Variants in ACTBL2 observed in about 807,000 individuals in gnomAD.
ACTBL2 encodes the protein actin beta like 2.
In ACTBL2, 29 loss-of-function variants were observed where a neutral mutation model predicts 23.2. The ratio of observed to expected loss-of-function variants is 1.25; its 90% CI spans 0.93 to 1.71. The LOEUF (loss-of-function observed/expected upper bound fraction) is 1.71. Ranked by LOEUF, ACTBL2 falls within the 40% of genes most tolerant of loss-of-function variation. The pLI, the probability that ACTBL2 is intolerant of heterozygous loss-of-function variation, is 0.00. For synonymous variants in ACTBL2, 173 were observed against 182.1 expected (o/e 0.95, Z 0.40); for missense variants, 524 against 486.2 (o/e 1.08, Z -0.73).
Position 57,481,603 on chromosome 5 carries a change from G to A in ACTBL2, c.1105C>T (p.Pro369Ser), listed in dbSNP as rs764608636. The A allele has an allele frequency of 3.1e-6, 5 of 1,613,078 alleles. No individual in the cohort carries two copies. The East Asian group carries it at 8.9e-5, about 29-fold the overall frequency. ...CAGAAACATTTTCTGTGAACGATAG[G>A]AGGACCAGCCTCATCATATTCCTGC... The part of the protein sequence containing the change: ...SKQEYDEAGP[P>S]IVHRKCF The change falls in exon 1 of 1, where the codon CCT (proline) becomes TCT (serine). Residue 369 changes from proline to serine, a missense_variant. Pro to Ser is a moderately conservative substitution (Grantham distance 74, BLOSUM62 -1). Transcript: ENST00000423391.
Position 57,481,515 on chromosome 5 carries a change from G to A in ACTBL2, c.*62C>T. ...TCGATTCTACTGAAAGCGGATAAAA[G>A]CAGTACCATCACTGTGACCTAGGAA... On this transcript the variant is annotated 3_prime_UTR_variant, in exon 1 of 1. Transcript: ENST00000423391. 1 of 1,546,960 alleles carries A rather than the reference G, an allele frequency of 6.5e-7. No homozygotes were observed. The highest frequency in any genetic ancestry group is 1.2e-5 in the South Asian group (1 of 81,474).
chr5:57,481,707 G>T lies in ACTBL2; in HGVS notation c.1001C>A (p.Pro334Gln). The T allele has an allele frequency of 3.1e-6, 5 of 1,613,908 alleles. No homozygotes were observed. The highest frequency in any genetic ancestry group is 4.2e-6 in the Non-Finnish European group (5 of 1,179,938). Residue 334 changes from proline (P) to glutamine (Q), a missense_variant, in exon 1 of 1, where the codon CCA becomes CAA. Physicochemically the swap from Pro to Gln is moderately conservative, Grantham distance 76 (BLOSUM62 -1). Transcript: ENST00000423391. ...AATCCAAACAGAATACTTCCGCTCT[G>T]GGGGAGCTATGATCTTGATTTTCAT... Reference protein sequence around the residue: ...STMKIKIIAPPERKYSVWIGG... With the variant: ...STMKIKIIAPQERKYSVWIGG...
Position 57,481,437 on chromosome 5 carries a change from T to C in ACTBL2, c.*140A>G. ...TATCTGGGTAAGAGCCCAGGTTACTTGGATGGAGAGATGGGTTTGCTGGTT... is the reference window on the plus strand; with the variant it reads ...TATCTGGGTAAGAGCCCAGGTTACTCGGATGGAGAGATGGGTTTGCTGGTT... On this transcript the variant is annotated 3_prime_UTR_variant, in exon 1 of 1. Coordinates refer to ENST00000423391, the MANE Select transcript of ACTBL2 (RefSeq NM_001017992.4). 1 of 1,065,952 alleles carries C rather than the reference T, an allele frequency of 9.4e-7. No individual in the cohort carries two copies. Among genetic ancestry groups the C allele is most frequent in the South Asian group, 1.7e-5 (1 of 60,442 alleles). 66.0% of individuals were successfully genotyped at this position (1,065,952 alleles called of 1,614,324 possible). A position where few individuals can be genotyped will look rare whatever the true frequency, so the allele number is the denominator to read the frequency against.
At position 57,481,886 on chromosome 5, in the gene ACTBL2, C is replaced by G; in HGVS notation, c.822G>C (p.Gly274=). The G allele has an allele frequency of 1.2e-6, 2 of 1,614,042 alleles. No individual in the cohort carries two copies. Among genetic ancestry groups the G allele is most frequent in the Non-Finnish European group, 1.7e-6 (2 of 1,180,010 alleles). Residue 274 remains glycine (G), a synonymous_variant, in exon 1 of 1, where the codon GGG becomes GGC. Transcript: ENST00000423391. ...TAGAGTTGAAGGTTGTCTCATGGAT[C>G]CCACTGGACTCAATGCCCAGAAAGG... ...QPSFLGIESS[G]IHETTFNSIM... is the part of the protein sequence containing the mutation.
Position 57,482,237 on chromosome 5 carries a change from C to A in ACTBL2, c.471G>T (p.Gly157=), listed in dbSNP as rs748409406. ...TGGGCACGATGTGAGTGACCCCATC[C>A]CCAGAATCCATCACGATGCCTGTGG... ...GRTTGIVMDS[G]DGVTHIVPIY... Residue 157 remains glycine, a synonymous_variant, in exon 1 of 1, where the codon GGG becomes GGT. Coordinates refer to ENST00000423391, the MANE Select transcript of ACTBL2 (RefSeq NM_001017992.4). 6.2e-7 allele frequency: 1 copy of A among 1,614,106 alleles called. No homozygotes were observed. Among genetic ancestry groups the A allele is most frequent in the Non-Finnish European group, 8.5e-7 (1 of 1,180,036 alleles).
Position 57,482,400 on chromosome 5 carries a change from G to A in ACTBL2, c.308C>T (p.Pro103Leu), listed in dbSNP as rs757482999. The change falls in exon 1 of 1, where the codon CCC becomes CTC. Residue 103 changes from proline to leucine, a missense_variant. Transcript: ENST00000423391. ...CAGGGGTGCCTCGGTGAGGAGGATG[G>A]GATGCTCATCTGGTGCCACACGGAG... ...NELRVAPDEH[P>L]ILLTEAPLNP... 5 of 1,614,092 alleles carry A rather than the reference G, an allele frequency of 3.1e-6. No homozygotes were observed. In the East Asian group the frequency reaches 6.7e-5, roughly 22 times the overall value.
Position 57,481,540 on chromosome 5 carries a change from A to G in ACTBL2, c.*37T>C, listed in dbSNP as rs370322741. 3.3e-5 allele frequency: 52 copies of G among 1,586,702 alleles called. No homozygotes were observed. Among genetic ancestry groups the G allele is most frequent in the Non-Finnish European group, 4.0e-5 (47 of 1,166,674 alleles). Reference sequence around the variant, plus strand: ...GCAGTACCATCACTGTGACCTAGGAAAAGGGAAAATGTAAGCCCACTAATA... The same window carrying G: ...GCAGTACCATCACTGTGACCTAGGAGAAGGGAAAATGTAAGCCCACTAATA... On this transcript the variant is annotated 3_prime_UTR_variant, in exon 1 of 1. Transcript: ENST00000423391.
In ACTBL2 at chr5:57,481,492, G is replaced by C; in HGVS notation, c.*85C>G. On this transcript the variant is annotated 3_prime_UTR_variant, in exon 1 of 1. Coordinates refer to ENST00000423391, the MANE Select transcript of ACTBL2 (RefSeq NM_001017992.4). The stretch of plus-strand genomic sequence containing the variant: ...CTAGGAAGAGTGACGTATTTACCTC[G>C]ATTCTACTGAAAGCGGATAAAAGCA... The C allele has an allele frequency of 2.0e-6, 3 of 1,483,892 alleles. No individual in the cohort carries two copies. Among genetic ancestry groups the C allele is most frequent in the Non-Finnish European group, 2.7e-6 (3 of 1,099,352 alleles). The allele number at this position is 1,483,892 out of a possible 1,614,324, so 91.9% of individuals were successfully genotyped here.
rs1745148348 is a variant in ACTBL2, at chr5:57,481,259, T to C, written c.*318A>G. ...ACTAAGTTTTAAAGCTTGATAATTA[T>C]AGTTATCCATTCTGAAATGACATTT... On this transcript the variant is annotated 3_prime_UTR_variant, in exon 1 of 1. Transcript: ENST00000423391. 4.3e-6 allele frequency: 1 copy of C among 233,158 alleles called. No homozygotes were observed. Among genetic ancestry groups the C allele is most frequent in the Non-Finnish European group, 8.4e-6 (1 of 118,452 alleles). The allele number at this position is 233,158 out of a possible 1,614,324, so 14.4% of individuals were successfully genotyped here.
rs1050526493 is a variant in ACTBL2, at chr5:57,480,415, A to G, written c.*1162T>C. On this transcript the variant is annotated 3_prime_UTR_variant, in exon 1 of 1. Transcript: ENST00000423391. The stretch of plus-strand genomic sequence containing the variant: ...ACTGGTACTTAAAATTGGTTAATAA[A>G]TCATCACTGGAGTAACTAAAATATT... The G allele has an allele frequency of 6.6e-6, 1 of 152,138 alleles. No individual in the cohort carries two copies. Among genetic ancestry groups the G allele is most frequent in the African/African-American group, 2.4e-5 (1 of 41,460 alleles). The allele number at this position is 152,138 out of a possible 1,614,324, so 9.4% of individuals were successfully genotyped here. A position where few individuals can be genotyped will look rare whatever the true frequency, so the allele number is the denominator to read the frequency against.
At position 57,481,657 on chromosome 5, in the gene ACTBL2, A is replaced by G; in HGVS notation, c.1051T>C (p.Ser351Pro). ...WIGGSILASLSTFQQMWISKQ... is the reference protein window; with the variant it reads ...WIGGSILASLPTFQQMWISKQ... ...CTGATCCACATCTGCTGGAATGTGG[A>G]CAGGCTGGCAAGGATGGAGCCCCCA... is the stretch of plus-strand genomic sequence containing the variant. Residue 351 changes from serine (S) to proline (P), a missense_variant, in exon 1 of 1, where the codon TCC becomes CCC. Coordinates refer to ENST00000423391, the MANE Select transcript of ACTBL2 (RefSeq NM_001017992.4). 1 of 1,614,044 alleles carries G rather than the reference A, an allele frequency of 6.2e-7. No homozygotes were observed. The highest frequency in any genetic ancestry group is 8.5e-7 in the Non-Finnish European group (1 of 1,180,006).
Position 57,481,420 on chromosome 5 carries a change from T to C in ACTBL2, c.*157A>G, listed in dbSNP as rs916041055. 2.3e-6 allele frequency: 2 copies of C among 855,696 alleles called. No individual in the cohort carries two copies. Among genetic ancestry groups the C allele is most frequent in the Non-Finnish European group, 3.5e-6 (2 of 564,340 alleles). 53.0% of individuals were successfully genotyped at this position (855,696 alleles called of 1,614,324 possible). A position where few individuals can be genotyped will look rare whatever the true frequency, so the allele number is the denominator to read the frequency against. On this transcript the variant is annotated 3_prime_UTR_variant, in exon 1 of 1. Coordinates refer to ENST00000423391, the MANE Select transcript of ACTBL2 (RefSeq NM_001017992.4). ...GGAGAACCGGATGTGGTTATCTGGG[T>C]AAGAGCCCAGGTTACTTGGATGGAG...
At position 57,482,742 on chromosome 5, in the gene ACTBL2, G is replaced by C; in HGVS notation, c.-35C>G. 6.2e-7 allele frequency: 1 copy of C among 1,604,234 alleles called. No individual in the cohort carries two copies. Among genetic ancestry groups the C allele is most frequent in the Non-Finnish European group, 8.5e-7 (1 of 1,173,930 alleles). ...TGAGATCTTCCAGACGAGTGAACAG[G>C]ACAAGTGAATAGACAGTGAGTAAGA... On this transcript the variant is annotated 5_prime_UTR_variant, in exon 1 of 1. Coordinates refer to ENST00000423391, the MANE Select transcript of ACTBL2 (RefSeq NM_001017992.4).
chr5:57,481,448 A>T lies in ACTBL2; in HGVS notation c.*129T>A. ...GAGCCCAGGTTACTTGGATGGAGAG[A>T]TGGGTTTGCTGGTTTACACTAGGAA... On this transcript the variant is annotated 3_prime_UTR_variant, in exon 1 of 1. Transcript: ENST00000423391. 8.5e-7 allele frequency: 1 copy of T among 1,174,048 alleles called. No individual in the cohort carries two copies. The highest frequency in any genetic ancestry group is 2.4e-5 in the East Asian group (1 of 41,688). The allele number at this position is 1,174,048 out of a possible 1,614,324, so 72.7% of individuals were successfully genotyped here.
rs1203993426 is a variant in ACTBL2 at position 57,482,162 on chromosome 5, T to C, written c.546A>G (p.Ala182=). ...LPHAILRLDL[A]GRDLTDYLMK... is the part of the protein sequence containing the mutation. The stretch of plus-strand genomic sequence containing the variant: ...TGAGGTAATCAGTCAGGTCTCTCCC[T>C]GCCAGATCCAGGCGTAGAATGGCAT... The change falls in exon 1 of 1, where the codon GCA becomes GCG. Residue 182 remains alanine, a synonymous_variant. Coordinates refer to ENST00000423391, the MANE Select transcript of ACTBL2 (RefSeq NM_001017992.4). The C allele has an allele frequency of 1.2e-6, 2 of 1,614,142 alleles. No individual in the cohort carries two copies. Among genetic ancestry groups the C allele is most frequent in the Admixed American group, 1.7e-5 (1 of 60,028 alleles).
chr5:57,480,952 A>G lies in ACTBL2; in HGVS notation c.*625T>C, dbSNP rs1382331518. 6.6e-6 allele frequency: 1 copy of G among 152,204 alleles called. No individual in the cohort carries two copies. The highest frequency in any genetic ancestry group is 2.4e-5 in the African/African-American group (1 of 41,456). 9.4% of individuals were successfully genotyped at this position (152,204 alleles called of 1,614,324 possible). A position where few individuals can be genotyped will look rare whatever the true frequency, so the allele number is the denominator to read the frequency against. ...ATTATGCTTATTTAGTAAGGGAAAC[A>G]ATTAAAATATGTACCTAGTACAACG... On this transcript the variant is annotated 3_prime_UTR_variant, in exon 1 of 1. Transcript: ENST00000423391.
rs953240064 is a variant in ACTBL2, at chr5:57,481,004, C to T, written c.*573G>A. ...TGACTTTTGGGAGTAAAGAAATTCACATTAGCTGTTCAGATAGCTAGATAC... is the reference window on the plus strand; with the variant it reads ...TGACTTTTGGGAGTAAAGAAATTCATATTAGCTGTTCAGATAGCTAGATAC... On this transcript the variant is annotated 3_prime_UTR_variant, in exon 1 of 1. Coordinates refer to ENST00000423391, the MANE Select transcript of ACTBL2 (RefSeq NM_001017992.4). 1 of 152,208 alleles carries T rather than the reference C, an allele frequency of 6.6e-6. No individual in the cohort carries two copies. The highest frequency in any genetic ancestry group is 2.4e-5 in the African/African-American group (1 of 41,420). 9.4% of individuals were successfully genotyped at this position (152,208 alleles called of 1,614,324 possible). A position where few individuals can be genotyped will look rare whatever the true frequency, so the allele number is the denominator to read the frequency against.
At position 57,481,745 on chromosome 5, in the gene ACTBL2, C is replaced by T. The variant is rs370150144; in HGVS notation, c.963G>A (p.Leu321=). 17 of 1,613,872 alleles carry T rather than the reference C, an allele frequency of 1.1e-5. No homozygotes were observed. In the African/African-American group the frequency reaches 1.1e-4, roughly 10 times the overall value. Residue 321 remains leucine (L), a synonymous_variant, in exon 1 of 1, where the codon CTG becomes CTA. Coordinates refer to ENST00000423391, the MANE Select transcript of ACTBL2 (RefSeq NM_001017992.4). ...ADRMQKEIIT[L]APSTMKIKII... is the part of the protein sequence containing the mutation. Reference sequence around the variant, plus strand: ...TCTTGATTTTCATGGTGCTGGGTGCCAGGGTTATGATTTCTTTCTGCATCC... The same window carrying T: ...TCTTGATTTTCATGGTGCTGGGTGCTAGGGTTATGATTTCTTTCTGCATCC...
chr5:57,482,448 C>G lies in ACTBL2; in HGVS notation c.260G>C (p.Trp87Ser), dbSNP rs1205808994. 1 of 1,613,914 alleles carries G rather than the reference C, an allele frequency of 6.2e-7. No homozygotes were observed. The highest frequency in any genetic ancestry group is 2.2e-5 in the East Asian group (1 of 44,876). Residue 87 changes from tryptophan to serine, a missense_variant, in exon 1 of 1, where the codon TGG becomes TCG. By Grantham distance (177) the Trp-to-Ser change is radical. Coordinates refer to ENST00000423391, the MANE Select transcript of ACTBL2 (RefSeq NM_001017992.4). ...GAGCTCATTGTAGAATGTGTGGTACCAGATCTTTTCCATATCGTCCCAGTT... is the reference window on the plus strand; with the variant it reads ...GAGCTCATTGTAGAATGTGTGGTACGAGATCTTTTCCATATCGTCCCAGTT... ...VTNWDDMEKI[W>S]YHTFYNELRV...
Sources: gnomAD v4.1 joint callset for allele counts on GRCh38, gnomAD v4.1.1 for gene constraint, MANE v1.5 for transcripts, NCBI Gene and HGNC (gene_info 2026-07-23, HGNC 2026-07-21) for gene names.